Variants in KCNQ1OT1 observed in about 807,000 individuals in gnomAD.
The protein encoded by KCNQ1OT1 is KCNQ1 antisense RNA 2 (non-protein coding).
exon 1 of KCNQ1OT1, chr11:2,693,716 C>G (rs1272989741): frequency 5.0e-6 from 2 of 398,570 alleles, no homozygotes; most frequent in East Asian, 7.1e-5. Flanking sequence ...GCCTTCCTGG[C>G]TGGTGTGACT....
chr11:2,622,434 G>A (rs1290700161), exon 1 of KCNQ1OT1: 2 of 398,072 alleles, frequency 5.0e-6, no homozygotes, highest in African/African-American at 2.1e-5. Context: ...ATCTACTTGT[G>A]TCTTTAGACC....
In KCNQ1OT1 at chr11:2,657,640, A is replaced by C. The variant is rs1849873450; in HGVS notation, n.42355T>G. 1 of 398,592 alleles carries C rather than the reference A, an allele frequency of 2.5e-6. No individual in the cohort carries two copies. The allele number at this position is 398,592 out of a possible 1,614,324, so 24.7% of individuals were successfully genotyped here. A position where few individuals can be genotyped will look rare whatever the true frequency, so the allele number is the denominator to read the frequency against. On this transcript the variant is annotated non_coding_transcript_exon_variant, in exon 1 of 1. Transcript: ENST00000597346. The surrounding 1 kb of genome is among the most constrained non-coding windows in gnomAD (Gnocchi z 4.8). ...GGTACACTATTAAGCTAGAGTTATAAATTTATTTGGATTTCCCCAGTTTAA... is the reference window on the plus strand; with the variant it reads ...GGTACACTATTAAGCTAGAGTTATACATTTATTTGGATTTCCCCAGTTTAA...
At chr11:2,667,981 C>A (rs1021385707) in exon 1 of KCNQ1OT1, 1 of 398,680 alleles carries the variant, frequency 2.5e-6, no homozygotes, top group Non-Finnish European at 4.4e-6. Context: ...CTCCCATTTC[C>A]TGTCACTGAC....
At chr11:2,610,004 C>A (rs1589979974) in exon 1 of KCNQ1OT1, 2 of 397,930 alleles carry the variant, frequency 5.0e-6, no homozygotes, top group African/African-American at 4.1e-5. Context: ...AATCCATTCA[C>A]ATTTAATATT....
At chr11:2,630,997 G>A (rs184062692) in exon 1 of KCNQ1OT1, 52 of 398,424 alleles carry the variant, frequency 1.3e-4, no homozygotes, top group East Asian at 1.0e-3. Context: ...TTATCTTGCC[G>A]CTTTCAAAAT....
chr11:2,630,655 G>A (rs1048616488), exon 1 of KCNQ1OT1: 14 of 398,050 alleles, frequency 3.5e-5, no homozygotes, highest in East Asian at 2.9e-4. Flanking sequence ...TAAGTTGCCC[G>A]TATATTTATT....
At position 2,679,342 on chromosome 11, in the gene KCNQ1OT1, T is replaced by C. The variant is rs1023392466; in HGVS notation, n.20653A>G. The stretch of plus-strand genomic sequence containing the variant: ...TGAACTCATATCCTAATTCCACTAC[T>C]TTCTACCTGCTACACCTTGAGTGAG... On this transcript the variant is annotated non_coding_transcript_exon_variant, in exon 1 of 1. Transcript: ENST00000597346. The surrounding 1 kb of genome is among the most constrained non-coding windows in gnomAD (Gnocchi z 4.8). 1 of 398,626 alleles carries C rather than the reference T, an allele frequency of 2.5e-6. No individual in the cohort carries two copies. The highest frequency in any genetic ancestry group is 2.1e-5 in the African/African-American group (1 of 48,738). The allele number at this position is 398,626 out of a possible 1,614,324, so 24.7% of individuals were successfully genotyped here. A position where few individuals can be genotyped will look rare whatever the true frequency, so the allele number is the denominator to read the frequency against.
Position 2,612,301 on chromosome 11 carries a change from G to C in KCNQ1OT1, n.87694C>G. 1 of 398,620 alleles carries C rather than the reference G, an allele frequency of 2.5e-6. No individual in the cohort carries two copies. Among genetic ancestry groups the C allele is most frequent in the Non-Finnish European group, 4.4e-6 (1 of 226,064 alleles). 24.7% of individuals were successfully genotyped at this position (398,620 alleles called of 1,614,324 possible). A position where few individuals can be genotyped will look rare whatever the true frequency, so the allele number is the denominator to read the frequency against. On this transcript the variant is annotated non_coding_transcript_exon_variant, in exon 1 of 1. Transcript: ENST00000597346. The surrounding 1 kb of genome is among the most constrained non-coding windows in gnomAD (Gnocchi z 5.5). ...GTGAGGGATCTAGGTTGTGCACTCC[G>C]TATGAGAATCTAACTAAAGCCTCCC...
At chr11:2,649,767 C>T (rs1849729295) in exon 1 of KCNQ1OT1, 1 of 398,408 alleles carries the variant, frequency 2.5e-6, no homozygotes, top group Non-Finnish European at 4.4e-6. Flanking sequence ...AAATGTGCCT[C>T]AGAGAGGCCC....
chr11:2,699,967 C>A, exon 1 of KCNQ1OT1: 2 of 398,328 alleles, frequency 5.0e-6, no homozygotes, highest in Non-Finnish European at 8.9e-6. Flanking sequence ...CCTGGAGGTC[C>A]GTGCTGAGGC....
Position 2,691,021 on chromosome 11 carries a change from C to G in KCNQ1OT1, n.8974G>C, listed in dbSNP as rs1031292995. The G allele has an allele frequency of 1.0e-5, 4 of 398,544 alleles. No homozygotes were observed. Among genetic ancestry groups the G allele is most frequent in the African/African-American group, 6.2e-5 (3 of 48,636 alleles). 24.7% of individuals were successfully genotyped at this position (398,544 alleles called of 1,614,324 possible). A position where few individuals can be genotyped will look rare whatever the true frequency, so the allele number is the denominator to read the frequency against. On this transcript the variant is annotated non_coding_transcript_exon_variant, in exon 1 of 1. Coordinates refer to ENST00000597346, the Ensembl canonical transcript of KCNQ1OT1. The surrounding 1 kb of genome is among the most constrained non-coding windows in gnomAD (Gnocchi z 6.4). ...AGTGGGCAAAAGCTCTGGGTGAACT[C>G]TTGGCTCAGGTATCAGGATATGCTG...
rs940648072 is a variant in KCNQ1OT1, at chr11:2,677,968, C to T, written n.22027G>A. 2 of 398,348 alleles carry T rather than the reference C, an allele frequency of 5.0e-6. No individual in the cohort carries two copies. Among genetic ancestry groups the T allele is most frequent in the African/African-American group, 4.1e-5 (2 of 48,604 alleles). 24.7% of individuals were successfully genotyped at this position (398,348 alleles called of 1,614,324 possible). ...AATGGTACACTGGAGCTTTAATTTA[C>T]ATTTCTTTTGTTGGAAATGAGGTTT... On this transcript the variant is annotated non_coding_transcript_exon_variant, in exon 1 of 1. Coordinates refer to ENST00000597346, the Ensembl canonical transcript of KCNQ1OT1. The surrounding 1 kb of genome is among the most constrained non-coding windows in gnomAD (Gnocchi z 4.5).
exon 1 of KCNQ1OT1, chr11:2,639,626 G>A (rs1849536599): frequency 6.6e-6 from 1 of 152,390 alleles, no homozygotes; most frequent in African/African-American, 2.4e-5. Context: ...GCCCCTACTG[G>A]GGAGTGCCTC....
exon 1 of KCNQ1OT1, chr11:2,622,216 T>C: frequency 2.5e-6 from 1 of 398,428 alleles, no homozygotes; most frequent in East Asian, 3.6e-5. Context: ...TATATTTTCT[T>C]ATATTCTGGG....
exon 1 of KCNQ1OT1, chr11:2,684,157 G>A: frequency 2.5e-6 from 1 of 398,648 alleles, no homozygotes; most frequent in African/African-American, 2.1e-5. Context: ...GTACACCAGA[G>A]GACTTAGGAA....
exon 1 of KCNQ1OT1, chr11:2,622,302 C>A (rs939697463): frequency 7.5e-6 from 3 of 398,114 alleles, no homozygotes; most frequent in Non-Finnish European, 8.9e-6. Flanking sequence ...TATGTAATGT[C>A]CTCCTTTGTC....
exon 1 of KCNQ1OT1, chr11:2,686,789 A>G (rs1475193081): frequency 1.0e-5 from 4 of 398,540 alleles, no homozygotes; most frequent in South Asian, 1.3e-4. Flanking sequence ...ACTATGATGC[A>G]CAAGCAGCCC....
Position 2,646,617 on chromosome 11 carries a change from C to T in KCNQ1OT1, n.53378G>A, listed in dbSNP as rs941191070. 29 of 398,510 alleles carry T rather than the reference C, an allele frequency of 7.3e-5. No individual in the cohort carries two copies. The Middle Eastern group carries it at 1.9e-3, about 26-fold the overall frequency. 24.7% of individuals were successfully genotyped at this position (398,510 alleles called of 1,614,324 possible). ...TTCTGCTCACTGCAACCTTCACCTCCGAGGTTCAAGTGATCCTCCCATCTC... is the reference window on the plus strand; with the variant it reads ...TTCTGCTCACTGCAACCTTCACCTCTGAGGTTCAAGTGATCCTCCCATCTC... On this transcript the variant is annotated non_coding_transcript_exon_variant, in exon 1 of 1. Transcript: ENST00000597346.
rs960836774 is a variant in KCNQ1OT1 at position 2,680,882 on chromosome 11, A to G, written n.19113T>C. 24 of 398,432 alleles carry G rather than the reference A, an allele frequency of 6.0e-5. No individual in the cohort carries two copies. In the Admixed American group the frequency reaches 1.1e-3, roughly 18 times the overall value. 24.7% of individuals were successfully genotyped at this position (398,432 alleles called of 1,614,324 possible). A position where few individuals can be genotyped will look rare whatever the true frequency, so the allele number is the denominator to read the frequency against. ...AATTCCCTGAAGATTCACCCAGGTT[A>G]TTGTGTGTATCCTTGCATTTTGGTA... On this transcript the variant is annotated non_coding_transcript_exon_variant, in exon 1 of 1. Transcript: ENST00000597346.
Sources: gnomAD v4.1 joint callset for allele counts on GRCh38, gnomAD v4.1.1 for gene constraint, Gnocchi (gnomAD v3.1) non-coding constraint, MANE v1.5 for transcripts, NCBI Gene and HGNC (gene_info 2026-07-23, HGNC 2026-07-21) for gene names.